HSD17B12: variants seen among roughly 807,000 people sequenced by gnomAD.
The protein encoded by HSD17B12 is hydroxysteroid 17-beta dehydrogenase 12, also known as very-long-chain 3-oxoacyl-CoA reductase.
HSD17B12 carries 32 observed loss-of-function variants against 39.3 expected under a neutral mutation model. The ratio of observed to expected loss-of-function variants is 0.81; its 90% CI spans 0.61 to 1.09. HSD17B12 has a LOEUF of 1.09. Among genes scored for constraint, HSD17B12 ranks in the 50% least tolerant of loss-of-function variants. HSD17B12 has a pLI of 0.00. For missense variants in HSD17B12, 342 were observed against 382.9 expected (o/e 0.89, Z 0.89); for synonymous variants, 150 against 146.7 (o/e 1.02, Z -0.16).
chr11:43,692,535 A>C (rs1285242333), intron 1 of HSD17B12, among the ~76,000 whole-genome samples: 9 of 152,226 alleles, frequency 5.9e-5, no homozygotes, highest in African/African-American at 2.2e-4. Context: ...ATAAACATTA[A>C]ATATAAATTT....
At chr11:43,572,095 G>A in the HSD17B12 span, among the ~76,000 whole-genome samples, 4 of 152,164 alleles carry the variant, frequency 2.6e-5, no homozygotes, top group African/African-American at 9.7e-5. Flanking sequence ...GACTGGACCA[G>A]GGAGTTCCTA....
the HSD17B12 span, among the ~76,000 whole-genome samples, chr11:43,660,069 T>A: frequency 6.6e-6 from 1 of 152,184 alleles, no homozygotes; most frequent in African/African-American, 2.4e-5. Flanking sequence ...TTCAATGTTC[T>A]CTGATCCAGA....
At chr11:43,785,982 G>T (rs1383889539) in intron 3 of HSD17B12, among the ~76,000 whole-genome samples, 2 of 152,166 alleles carry the variant, frequency 1.3e-5, no homozygotes, top group Admixed American at 6.5e-5. Flanking sequence ...GCTGATGGGG[G>T]TGGATACAAG....
At chr11:43,577,642 G>A in the HSD17B12 span, among the ~76,000 whole-genome samples, 1 of 152,130 alleles carries the variant, frequency 6.6e-6, no homozygotes, top group Admixed American at 6.5e-5. Context: ...GTAATTCCCG[G>A]GAGGTGTGTA....
At chr11:43,726,387 C>T (rs548745169) in intron 1 of HSD17B12, among the ~76,000 whole-genome samples, 1 of 152,004 alleles carries the variant, frequency 6.6e-6, no homozygotes, top group Non-Finnish European at 1.5e-5. Flanking sequence ...CCCTAAAGCC[C>T]GAGCAAAGGA....
the HSD17B12 span, among the ~76,000 whole-genome samples, chr11:43,585,524 T>A: frequency 6.6e-6 from 1 of 152,372 alleles, no homozygotes; most frequent in East Asian, 1.9e-4. Context: ...ACAGATCTAT[T>A]TGCTATGTTA....
chr11:43,786,630 A>G (rs1950817893), intron 3 of HSD17B12, among the ~76,000 whole-genome samples: 1 of 152,252 alleles, frequency 6.6e-6, no homozygotes, highest in South Asian at 2.1e-4. Flanking sequence ...GATTCAGGGG[A>G]AAAAAGTTAC....
the HSD17B12 span, among the ~76,000 whole-genome samples, chr11:43,568,793 T>A: frequency 6.6e-6 from 1 of 152,196 alleles, no homozygotes; most frequent in African/African-American, 2.4e-5. Context: ...ATGGGTTTTT[T>A]AATTACATAA....
the HSD17B12 span, among the ~76,000 whole-genome samples, chr11:43,595,595 A>C: frequency 2.0e-5 from 3 of 152,228 alleles, no homozygotes; most frequent in African/African-American, 7.2e-5. Flanking sequence ...TGGATTTTTC[A>C]AGTGATCTTC....
At position 43,794,566 on chromosome 11, in the gene HSD17B12, A is replaced by G. The variant is rs539912491; in HGVS notation, c.284-3754A>G. Among the ~76,000 whole-genome samples, 3 of 152,326 alleles carry G rather than the reference A, an allele frequency of 2.0e-5. No homozygotes were observed. The South Asian group carries it at 6.2e-4, about 32-fold the overall frequency. On this transcript the variant is annotated intron_variant, in intron 3 of 10. Coordinates refer to ENST00000278353, the MANE Select transcript of HSD17B12 (RefSeq NM_016142.3). ...AAAAATAAGATAATAAACAGACTAT[A>G]CTTCTGGAATCAGAATCTTGTAGGT...
chr11:43,774,737 C>G (rs1484168565), intron 3 of HSD17B12, among the ~76,000 whole-genome samples: 1 of 152,092 alleles, frequency 6.6e-6, no homozygotes, highest in Non-Finnish European at 1.5e-5. Context: ...GAGACATGAT[C>G]CAAGTAAGAT....
chr11:43,815,976 T>C (rs1331540874), intron 5 of HSD17B12, among the ~76,000 whole-genome samples: 2 of 152,188 alleles, frequency 1.3e-5, no homozygotes, highest in Non-Finnish European at 2.9e-5. Context: ...AGCATATCAT[T>C]GAAGGACTAT....
chr11:43,638,330 G>A, the HSD17B12 span, among the ~76,000 whole-genome samples: 2 of 152,156 alleles, frequency 1.3e-5, no homozygotes, highest in Admixed American at 6.5e-5. Flanking sequence ...GAGATTTCAT[G>A]TTAGGATGAA....
chr11:43,812,828 A>T (rs1205210976), intron 4 of HSD17B12, among the ~76,000 whole-genome samples: 1 of 152,034 alleles, frequency 6.6e-6, no homozygotes, highest in Non-Finnish European at 1.5e-5. Context: ...ACACAGCTGA[A>T]GACTCTCTAT....
At chr11:43,592,296 G>T in the HSD17B12 span, among the ~76,000 whole-genome samples, 1 of 151,728 alleles carries the variant, frequency 6.6e-6, no homozygotes, top group South Asian at 2.1e-4. Context: ...AATTTTGTGT[G>T]TGTGTTTTTT....
At chr11:43,736,532 A>G (rs985656428) in intron 1 of HSD17B12, among the ~76,000 whole-genome samples, 3 of 152,182 alleles carry the variant, frequency 2.0e-5, no homozygotes, top group African/African-American at 4.8e-5. Context: ...TTTTCTTTCT[A>G]TAATAATCTA....
chr11:43,854,329 A>C, intron 9 of HSD17B12: 1 of 163,598 alleles, frequency 6.1e-6, no homozygotes, highest in South Asian at 1.9e-4. Flanking sequence ...CCATTAGAAG[A>C]ATAAAGTATC....
At chr11:43,674,956 A>G in the HSD17B12 span, among the ~76,000 whole-genome samples, 1 of 152,088 alleles carries the variant, frequency 6.6e-6, no homozygotes, top group Non-Finnish European at 1.5e-5. Context: ...TACAATTTTT[A>G]TCATATAATT....
At chr11:43,665,377 C>T in the HSD17B12 span, among the ~76,000 whole-genome samples, 1 of 152,120 alleles carries the variant, frequency 6.6e-6, no homozygotes, top group African/African-American at 2.4e-5. Flanking sequence ...CGCCACCATG[C>T]CCAGCTAATT....
Sources: gnomAD v4.1 joint callset for allele counts (sites outside exome capture counted in the v4.1 genomes callset) on GRCh38, gnomAD v4.1.1 for gene constraint, MANE v1.5 for transcripts, NCBI Gene and HGNC (gene_info 2026-07-23, HGNC 2026-07-21) for gene names.